PCDH7: variants seen among roughly 807,000 people sequenced by gnomAD.
PCDH7 encodes protocadherin 7.
Under a neutral mutation model 58.9 loss-of-function variants are expected in PCDH7, and 17 were observed. That is an observed-to-expected ratio of 0.29 (90% CI 0.20 to 0.43). The LOEUF (loss-of-function observed/expected upper bound fraction) is 0.43. Among genes scored for constraint, PCDH7 ranks in the 20% least tolerant of loss-of-function variants. The pLI, the probability that PCDH7 is intolerant of heterozygous loss-of-function variation, is 1.00. For synonymous variants in PCDH7, 664 were observed against 616.4 expected, an observed-to-expected ratio of 1.08 and a Z score of -1.14; for missense variants, 1,274 against 1,441.0, an observed-to-expected ratio of 0.88 and a Z score of 1.88.
chr4:30,727,477 C>T (rs903581614), intron 1 of PCDH7, among the ~76,000 whole-genome samples: 6 of 151,826 alleles, frequency 4.0e-5, no homozygotes, highest in Non-Finnish European at 5.9e-5. Flanking sequence ...GAATTATTTC[C>T]GAAATTCACA....
intron 1 of PCDH7, among the ~76,000 whole-genome samples, chr4:30,780,184 C>T (rs192483578): frequency 2.0e-5 from 3 of 152,182 alleles, no homozygotes; most frequent in Non-Finnish European, 2.9e-5. Context: ...GTATCCTTCC[C>T]TGATTCAGAA....
intron 3 of PCDH7, among the ~76,000 whole-genome samples, chr4:31,121,768 C>G (rs566630216): frequency 2.0e-5 from 3 of 152,014 alleles, no homozygotes; most frequent in Non-Finnish European, 2.9e-5. Flanking sequence ...TTTAAAATAA[C>G]CTAATTTAGC....
At chr4:30,770,185 A>G (rs1245935752) in intron 1 of PCDH7, among the ~76,000 whole-genome samples, 1 of 152,228 alleles carries the variant, frequency 6.6e-6, no homozygotes, top group African/African-American at 2.4e-5. Context: ...CTTGCAGATT[A>G]ACATCATTTC....
chr4:30,873,401 T>G (rs920216533), intron 1 of PCDH7, among the ~76,000 whole-genome samples: 1 of 152,050 alleles, frequency 6.6e-6, no homozygotes, highest in Non-Finnish European at 1.5e-5. Flanking sequence ...AATTGAGAAC[T>G]TTTTATGGAG....
intron 3 of PCDH7, among the ~76,000 whole-genome samples, chr4:31,040,554 A>G (rs1755775507): frequency 6.6e-6 from 1 of 152,204 alleles, no homozygotes; most frequent in African/African-American, 2.4e-5. Context: ...AATTGATTTC[A>G]TTTCGGTATA....
intron 3 of PCDH7, among the ~76,000 whole-genome samples, chr4:31,114,852 A>C (rs1430360626): frequency 1.3e-5 from 2 of 152,224 alleles, no homozygotes; most frequent in Non-Finnish European, 2.9e-5. Context: ...CTCTTAAAGC[A>C]TGAAATTGTT....
At chr4:30,928,384 C>T (rs1415137359) in intron 2 of PCDH7, among the ~76,000 whole-genome samples, 6 of 152,096 alleles carry the variant, frequency 3.9e-5, no homozygotes, top group Non-Finnish European at 8.8e-5. Context: ...CAAAGTAGAA[C>T]AATAGGTGTC....
chr4:30,848,035 T>C (rs1006676371), intron 1 of PCDH7, among the ~76,000 whole-genome samples: 1 of 152,164 alleles, frequency 6.6e-6, no homozygotes, highest in Admixed American at 6.6e-5. Context: ...CTTCTCTGTC[T>C]TTAATGTATA....
At chr4:30,855,252 T>TGTA (rs1181952298) in intron 1 of PCDH7, among the ~76,000 whole-genome samples, 1 of 152,168 alleles carries the variant, frequency 6.6e-6, no homozygotes, top group East Asian at 1.9e-4. Flanking sequence ...ATGAACACTT[T>TGTA]GTAAAGATGC....
intron 1 of PCDH7, among the ~76,000 whole-genome samples, chr4:30,904,793 T>A (rs1740703347): frequency 6.6e-6 from 1 of 152,122 alleles, no homozygotes; most frequent in Non-Finnish European, 1.5e-5. Context: ...GCAGAGGAAA[T>A]AAGTTCACCT....
intron 1 of PCDH7, among the ~76,000 whole-genome samples, chr4:30,818,268 A>G (rs1181305717): frequency 6.6e-6 from 1 of 152,102 alleles, no homozygotes; most frequent in African/African-American, 2.4e-5. Flanking sequence ...TGTATGTGTG[A>G]TATTTACCTA....
chr4:30,834,191 T>C (rs1407701480), intron 1 of PCDH7, among the ~76,000 whole-genome samples: 1 of 152,190 alleles, frequency 6.6e-6, no homozygotes, highest in Non-Finnish European at 1.5e-5. Flanking sequence ...TCTAGGGCAC[T>C]GGCCTAGAAA....
intron 1 of PCDH7, among the ~76,000 whole-genome samples, chr4:30,750,986 G>T (rs984964401): frequency 1.3e-5 from 2 of 149,946 alleles, no homozygotes; most frequent in African/African-American, 2.4e-5. Context: ...GGAAAAAAAC[G>T]CAAGACTAAA....
At chr4:30,803,947 A>T (rs1725855082) in intron 1 of PCDH7, among the ~76,000 whole-genome samples, 1 of 152,186 alleles carries the variant, frequency 6.6e-6, no homozygotes, top group South Asian at 2.1e-4. Flanking sequence ...CATATAGTGA[A>T]ATCTATGTGA....
chr4:31,073,290 G>A (rs983135955), intron 3 of PCDH7, among the ~76,000 whole-genome samples: 22 of 152,250 alleles, frequency 1.4e-4, no homozygotes, highest in African/African-American at 5.1e-4. Context: ...TTGATTTATA[G>A]CACACATAAA....
chr4:30,755,140 A>G (rs952748080), intron 1 of PCDH7, among the ~76,000 whole-genome samples: 1 of 152,196 alleles, frequency 6.6e-6, no homozygotes, highest in African/African-American at 2.4e-5. Flanking sequence ...AAGATTAGTC[A>G]CAGACCTCAC....
chr4:30,967,599 T>G (rs1749110010), intron 3 of PCDH7, among the ~76,000 whole-genome samples: 1 of 152,174 alleles, frequency 6.6e-6, no homozygotes, highest in African/African-American at 2.4e-5. Flanking sequence ...CACTGGGTCC[T>G]ATAGAAGCTC....
In PCDH7 at chr4:31,014,818, A is replaced by G. The variant is rs921443478; in HGVS notation, c.*7+64603A>G. On this transcript the variant is annotated intron_variant, in intron 3 of 3. Transcript: ENST00000509759. ...AATGTCCCTTTACAGAGGCCTCTCCAGCCACTCATTCACTTTCTCTCACTT... is the reference window on the plus strand; with the variant it reads ...AATGTCCCTTTACAGAGGCCTCTCCGGCCACTCATTCACTTTCTCTCACTT... 3.9e-5 allele frequency among the ~76,000 whole-genome samples: 6 copies of G among 152,136 alleles called. No homozygotes were observed. In the East Asian group the frequency reaches 1.2e-3, roughly 29 times the overall value.
exon 2 of PCDH7, chr4:30,731,738 G>C (rs939759731): frequency 3.9e-5 from 6 of 152,114 alleles, no homozygotes; most frequent in African/African-American, 1.2e-4. Flanking sequence ...GAGAGAGCAA[G>C]TGACTGAATT....
Sources: gnomAD v4.1 joint callset for allele counts (sites outside exome capture counted in the v4.1 genomes callset) on GRCh38, gnomAD v4.1.1 for gene constraint, MANE v1.5 for transcripts, NCBI Gene and HGNC (gene_info 2026-07-23, HGNC 2026-07-21) for gene names.